Variants in AP3D1 observed in about 807,000 individuals in gnomAD.
The protein encoded by AP3D1 is AP-3 complex subunit delta-1.
A neutral mutation model predicts 147.6 loss-of-function variants in AP3D1; 51 were observed. The ratio of observed to expected loss-of-function variants is 0.35; its 90% CI spans 0.28 to 0.44. The LOEUF (loss-of-function observed/expected upper bound fraction) is 0.44. Ranked by LOEUF, AP3D1 falls within the 20% of genes least tolerant of loss-of-function variation. AP3D1 has a pLI of 1.00. For synonymous variants in AP3D1, 760 were observed against 663.0 expected (o/e 1.15, Z -2.25); for missense variants, 1,421 against 1,624.2 (o/e 0.87, Z 2.15).
chr19:2,117,033 G>T, intron 16 of AP3D1, 189 bp downstream of exon 16: 1 of 849,786 alleles, frequency 1.2e-6, no homozygotes, highest in Non-Finnish European at 1.7e-6. Context: ...GCATCCCCAG[G>T]CAGAAGCCAG....
Position 2,132,624 on chromosome 19 carries a change from C to G in AP3D1, c.355-46G>C, listed in dbSNP as rs745559264. ...GCCGTGGCCAGGATGCCCTGGGTGG[C>G]ACATCCGACGCCTGGGTCACCAGGA... On this transcript the variant is annotated intron_variant, in intron 4 of 31. Transcript: ENST00000643116. 8 of 1,545,172 alleles carry G rather than the reference C, an allele frequency of 5.2e-6. No individual in the cohort carries two copies. In the Admixed American group the frequency reaches 1.2e-4, roughly 23 times the overall value.
intron 4 of AP3D1, chr19:2,133,378 C>T (rs902757188): frequency 6.6e-6 from 1 of 152,356 alleles, no homozygotes; most frequent in South Asian, 2.1e-4. Context: ...GAAATAAATC[C>T]TCTCTTGATA....
intron 31 of AP3D1, among the ~76,000 whole-genome samples, chr19:2,106,474 G>C (rs1163382192): frequency 6.6e-6 from 1 of 152,178 alleles, no homozygotes; most frequent in Non-Finnish European, 1.5e-5. Flanking sequence ...GCTTGAACCT[G>C]GGAGGCGGAG....
Position 2,130,452 on chromosome 19 carries a change from G to C in AP3D1, c.548C>G (p.Pro183Arg). The C allele has an allele frequency of 6.2e-7, 1 of 1,614,090 alleles. No homozygotes were observed. The highest frequency in any genetic ancestry group is 8.5e-7 in the Non-Finnish European group (1 of 1,180,008). ...CTTCTCCTTCAGCCGGGGAAAGGCA[G>C]GGCGCAGCGACTCGGGGTACTTCAG... ...VFLKYPESLR[P>R]AFPRLKEKLE... Residue 183 changes from proline (P) to arginine (R), a missense_variant, in exon 6 of 32, where the codon CCT becomes CGT. Around this residue, in one of 6 missense-constraint regions of AP3D1, gnomAD observed 292 missense variants for 412.0 expected, o/e 0.71. Coordinates refer to ENST00000643116, the MANE Select transcript of AP3D1 (RefSeq NM_001261826.3).
chr19:2,147,285 C>G (rs182741563), intron 1 of AP3D1, among the ~76,000 whole-genome samples: 1 of 141,396 alleles, frequency 7.1e-6, no homozygotes, highest in African/African-American at 2.7e-5. Flanking sequence ...GCGGAGGTTG[C>G]GGTGAGCCGA....
At chr19:2,164,325 G>T in intron 1 of AP3D1, 1 of 1,188,920 alleles carries the variant, frequency 8.4e-7, no homozygotes, top group Non-Finnish European at 1.1e-6. Context: ...CGCCCCTGGG[G>T]ACACCCCAAA....
chr19:2,113,176 C>G (rs563780039), intron 23 of AP3D1, 160 bp downstream of exon 23: 8 of 627,994 alleles, frequency 1.3e-5, no homozygotes, highest in Admixed American at 3.1e-5. Context: ...CACTGGGACC[C>G]GGGAGCATGA....
chr19:2,143,234 T>A (rs903884194), intron 1 of AP3D1, among the ~76,000 whole-genome samples: 4 of 67,946 alleles, frequency 5.9e-5, no homozygotes, highest in Admixed American at 4.3e-4. Context: ...TGCCTAATTT[T>A]TTTTTTTTTT....
In AP3D1 at chr19:2,144,034, C is replaced by T. The variant is rs1197909967; in HGVS notation, c.97-5320G>A. On this transcript the variant is annotated intron_variant, in intron 1 of 31. Coordinates refer to ENST00000643116, the MANE Select transcript of AP3D1 (RefSeq NM_001261826.3). ...CCGGGAGGCAGACGTTGCGGTGAGCCGAGATCGCGCCATTGCACTTCAGCC... is the reference window on the plus strand; with the variant it reads ...CCGGGAGGCAGACGTTGCGGTGAGCTGAGATCGCGCCATTGCACTTCAGCC... 5.3e-5 allele frequency among the ~76,000 whole-genome samples: 8 copies of T among 150,552 alleles called. No individual in the cohort carries two copies. The South Asian group carries it at 8.4e-4, about 16-fold the overall frequency.
chr19:2,114,769 G>A lies in AP3D1; in HGVS notation c.2402C>T (p.Ala801Val). Residue 801 changes from alanine to valine, a missense_variant, in exon 21 of 32, where the codon GCT (alanine) becomes GTT (valine). Transcript: ENST00000643116. ...TCACTTATCCAGGTCAATATCCAGA[G>A]CCCTGTAGGGGTCGTTGGGGTCTTT... ...DDKDPNDPYR[A>V]LDIDLDKPLA... 1 of 1,614,034 alleles carries A rather than the reference G, an allele frequency of 6.2e-7. No individual in the cohort carries two copies. Among genetic ancestry groups the A allele is most frequent in the Non-Finnish European group, 8.5e-7 (1 of 1,179,938 alleles).
chr19:2,161,907 G>C (rs2019701626), intron 1 of AP3D1, among the ~76,000 whole-genome samples: 1 of 151,586 alleles, frequency 6.6e-6, no homozygotes, highest in African/African-American at 2.4e-5. Context: ...GGAGATCCCA[G>C]TCACTACTCC....
chr19:2,110,851 C>T lies in AP3D1; in HGVS notation c.3031G>A (p.Val1011Met). Residue 1011 changes from valine (V) to methionine (M), a missense_variant, in exon 27 of 32, where the codon GTG becomes ATG. By Grantham distance (21) the Val-to-Met change is conservative. Around this residue, in one of 6 missense-constraint regions of AP3D1, gnomAD observed 791 missense variants for 761.4 expected, o/e 1.04. Coordinates refer to ENST00000643116, the MANE Select transcript of AP3D1 (RefSeq NM_001261826.3). ...CTCCTGTTCTCCAGCACGATGGCCA[C>T]AGTGACCTGGCTGTCCTCCTGCAGA... Reference protein sequence around the residue: ...GSLQEDSQVTVAIVLENRSSS... With the variant: ...GSLQEDSQVTMAIVLENRSSS... The T allele has an allele frequency of 6.2e-7, 1 of 1,613,590 alleles. No homozygotes were observed. The highest frequency in any genetic ancestry group is 8.5e-7 in the Non-Finnish European group (1 of 1,179,996).
At chr19:2,136,906 G>C (rs1333704974) in intron 4 of AP3D1, 105 bp downstream of exon 4, 1 of 1,089,326 alleles carries the variant, frequency 9.2e-7, no homozygotes, top group African/African-American at 1.6e-5. Flanking sequence ...ACTCAAGGGG[G>C]CCACAGGCAC....
intron 30 of AP3D1, 89 bp from the exon 31 acceptor site, chr19:2,108,855 C>G (rs2018184637): frequency 7.0e-7 from 1 of 1,438,126 alleles, no homozygotes; most frequent in Non-Finnish European, 9.5e-7. Flanking sequence ...TTGGGCTGCC[C>G]TTGGCCACAG....
At position 2,115,619 on chromosome 19, in the gene AP3D1, A is replaced by T. The variant is rs1178606148; in HGVS notation, c.2074-6T>A. 6.2e-7 allele frequency: 1 copy of T among 1,611,658 alleles called. No individual in the cohort carries two copies. The highest frequency in any genetic ancestry group is 1.7e-5 in the Admixed American group (1 of 59,916). On this transcript the variant is annotated splice_region_variant and splice_polypyrimidine_tract_variant and intron_variant, in intron 18 of 31. Coordinates refer to ENST00000643116, the MANE Select transcript of AP3D1 (RefSeq NM_001261826.3). ...CCCGGGGTGTCCTGGTACCGCTGCA[A>T]AGGCAACACCCAGGCGTTACCGGTG...
In AP3D1 at chr19:2,108,747, G is replaced by A. The variant is rs2018180894; in HGVS notation, c.3492C>T (p.Ser1164=). 2.5e-6 allele frequency: 4 copies of A among 1,577,162 alleles called. No homozygotes were observed. The highest frequency in any genetic ancestry group is 2.3e-5 in the South Asian group (2 of 85,846). ...TGGAGCGGCTGTACATGGAGGCGCA[G>A]GAGTCCACTCGCTCCACAACTGCAA... ...HHFSVVERVD[S]CASMYSRSIQ... is the part of the protein sequence containing the mutation. Residue 1164 remains serine (S), a synonymous_variant, in exon 31 of 32, where the codon TCC becomes TCT. Transcript: ENST00000643116.
rs762025326 is a variant in AP3D1, at chr19:2,112,944, G to A, written c.2703C>T (p.Val901=). The A allele has an allele frequency of 2.5e-6, 4 of 1,612,622 alleles. No individual in the cohort carries two copies. In the African/African-American group the frequency reaches 5.3e-5, roughly 22 times the overall value. The change falls in exon 24 of 32, where the codon GTC becomes GTT. Residue 901 remains valine (V), a synonymous_variant. Transcript: ENST00000643116. ...CCTCACACTCGTCCTTCGGGGTAGT[G>A]ACAGTGTTCACACTGAGCTCCCCCT... ...PSTGELSVNT[V]TTPKDECEDA...
chr19:2,142,846 T>C (rs997810612), intron 1 of AP3D1, among the ~76,000 whole-genome samples: 2 of 151,476 alleles, frequency 1.3e-5, no homozygotes, highest in Non-Finnish European at 2.9e-5. Flanking sequence ...CACCACAACC[T>C]CCGCCTCCCA....
chr19:2,115,660 C>T (rs2018425564), intron 18 of AP3D1, 47 bp from the exon 19 acceptor site: 2 of 1,579,004 alleles, frequency 1.3e-6, no homozygotes, highest in African/African-American at 1.3e-5. Context: ...AGGGGTGACA[C>T]ACGTGCAAGA....
Sources: gnomAD v4.1 joint callset for allele counts (sites outside exome capture counted in the v4.1 genomes callset) on GRCh38, gnomAD v4.1.1 for gene constraint, gnomAD v4.1.1 regional missense constraint, MANE v1.5 for transcripts, NCBI Gene and HGNC (gene_info 2026-07-23, HGNC 2026-07-21) for gene names.